The following RALYL variants were observed in gnomAD, a reference collection of about 807,000 sequenced individuals.
RALYL encodes the protein RNA-binding Raly-like protein.
Under a neutral mutation model 35.1 loss-of-function variants are expected in RALYL, and 29 were observed. The ratio of observed to expected loss-of-function variants is 0.83; its 90% CI spans 0.61 to 1.13. RALYL has a LOEUF of 1.13. Among genes scored for constraint, RALYL ranks in the 50% most tolerant of loss-of-function variants. The pLI is 0.00. For missense variants in RALYL, 359 were observed against 360.4 expected, an observed-to-expected ratio of 1.00 and a Z score of 0.03; for synonymous variants, 120 against 127.6, an observed-to-expected ratio of 0.94 and a Z score of 0.40.
intron 1 of RALYL, among the ~76,000 whole-genome samples, chr8:84,238,041 A>G (rs928798636): frequency 1.3e-5 from 2 of 152,122 alleles, no homozygotes; most frequent in Non-Finnish European, 2.9e-5. Flanking sequence ...ATTTAAAAAC[A>G]TAAAATGTGA....
chr8:84,231,826 G>A (rs957895885), intron 1 of RALYL, among the ~76,000 whole-genome samples: 1 of 152,124 alleles, frequency 6.6e-6, no homozygotes, highest in African/African-American at 2.4e-5. Flanking sequence ...CTGTCCATGA[G>A]AAGATAGTTA....
intron 5 of RALYL, among the ~76,000 whole-genome samples, chr8:84,856,895 G>T (rs1837118724): frequency 6.6e-6 from 1 of 151,318 alleles, no homozygotes; most frequent in South Asian, 2.1e-4. Flanking sequence ...GGGCGCGGTG[G>T]CAGGCGCCTG....
rs982676328 is a variant in RALYL at position 84,717,118 on chromosome 8, C to T, written c.257-57461C>T. Among the ~76,000 whole-genome samples, 26 of 152,150 alleles carry T rather than the reference C, an allele frequency of 1.7e-4. No individual in the cohort carries two copies. In the East Asian group the frequency reaches 3.5e-3, roughly 20 times the overall value. On this transcript the variant is annotated intron_variant, in intron 2 of 8. Transcript: ENST00000521268. The stretch of plus-strand genomic sequence containing the variant: ...AGGAGAATTGCTTGAACCCAGGAGG[C>T]GGAGGTTGCAGTGAGCCGAGATCAC...
At chr8:84,363,434 G>A (rs1158327967) in intron 1 of RALYL, among the ~76,000 whole-genome samples, 1 of 152,160 alleles carries the variant, frequency 6.6e-6, no homozygotes, top group Non-Finnish European at 1.5e-5. Context: ...TGTGAGTGAT[G>A]TGCGATGGGT....
intron 1 of RALYL, among the ~76,000 whole-genome samples, chr8:84,409,144 G>A (rs1021066410): frequency 1.3e-5 from 2 of 151,854 alleles, no homozygotes; most frequent in Non-Finnish European, 2.9e-5. Flanking sequence ...GCATAATCTT[G>A]CATAAACTAA....
intron 2 of RALYL, among the ~76,000 whole-genome samples, chr8:84,615,955 A>C (rs1819502424): frequency 3.6e-5 from 1 of 27,574 alleles, no homozygotes; most frequent in Admixed American, 4.8e-4. Context: ...ATAGTATTCC[A>C]TGGTGTATAT....
intron 2 of RALYL, among the ~76,000 whole-genome samples, chr8:84,549,410 TC>T (rs893825450): frequency 1.3e-5 from 2 of 152,194 alleles, no homozygotes; most frequent in Non-Finnish European, 2.9e-5. Context: ...TTGAGGGTCA[TC>T]TTTTTGATGA....
chr8:84,334,809 A>C (rs1847464112), intron 1 of RALYL, among the ~76,000 whole-genome samples: 1 of 152,096 alleles, frequency 6.6e-6, no homozygotes, highest in Non-Finnish European at 1.5e-5. Flanking sequence ...AAGAATTATA[A>C]AATATTTGAT....
At chr8:84,439,290 A>T (rs1470913573) in intron 1 of RALYL, among the ~76,000 whole-genome samples, 12 of 151,972 alleles carry the variant, frequency 7.9e-5, no homozygotes, top group Non-Finnish European at 1.6e-4. Context: ...CTCCTTATAG[A>T]GATCTTTCAA....
chr8:84,786,281 A>G (rs1819431316), intron 3 of RALYL, among the ~76,000 whole-genome samples: 2 of 152,190 alleles, frequency 1.3e-5, no homozygotes, highest in South Asian at 2.1e-4. Context: ...TGGTGCTGCA[A>G]TGAACATATG....
chr8:84,412,177 C>T (rs1264050320), intron 1 of RALYL, among the ~76,000 whole-genome samples: 1 of 150,564 alleles, frequency 6.6e-6, no homozygotes, highest in Non-Finnish European at 1.5e-5. Context: ...ATTGTCTAGA[C>T]AGCAAAAAAA....
chr8:84,811,599 C>G (rs1309433778), intron 4 of RALYL, among the ~76,000 whole-genome samples: 2 of 152,088 alleles, frequency 1.3e-5, no homozygotes, highest in Non-Finnish European at 2.9e-5. Context: ...GATTTTTCCC[C>G]CAAATATGTT....
At chr8:84,447,938 G>C (rs1388266866) in intron 1 of RALYL, among the ~76,000 whole-genome samples, 1 of 151,980 alleles carries the variant, frequency 6.6e-6, no homozygotes, top group Non-Finnish European at 1.5e-5. Context: ...TATTACAGGG[G>C]CTAGGGGAAG....
At chr8:84,451,782 A>G (rs1433833849) in intron 1 of RALYL, among the ~76,000 whole-genome samples, 1 of 152,052 alleles carries the variant, frequency 6.6e-6, no homozygotes, top group African/African-American at 2.4e-5. Flanking sequence ...ACATTGCCTT[A>G]TGGCTAAGAG....
chr8:84,709,131 A>G (rs988214273), intron 2 of RALYL, among the ~76,000 whole-genome samples: 1 of 152,086 alleles, frequency 6.6e-6, no homozygotes, highest in Admixed American at 6.6e-5. Context: ...CCAATTATCT[A>G]TTATTTCTGT....
intron 2 of RALYL, among the ~76,000 whole-genome samples, chr8:84,690,826 A>G (rs191819867): frequency 6.6e-6 from 1 of 152,172 alleles, no homozygotes; most frequent in East Asian, 1.9e-4. Flanking sequence ...GTGGATGATA[A>G]ATTCTAAAGC....
intron 2 of RALYL, among the ~76,000 whole-genome samples, chr8:84,534,741 T>C (rs950761286): frequency 7.9e-5 from 12 of 152,188 alleles, no homozygotes; most frequent in Non-Finnish European, 1.5e-4. Flanking sequence ...AAGTGGCAAT[T>C]ACAAGTTCCC....
At chr8:84,705,217 G>A (rs1343999188) in intron 2 of RALYL, among the ~76,000 whole-genome samples, 5 of 152,172 alleles carry the variant, frequency 3.3e-5, no homozygotes, top group Non-Finnish European at 7.3e-5. Flanking sequence ...TTGTCCACTT[G>A]AGTGACAGTG....
chr8:84,787,280 TTA>T (rs1819751132), intron 3 of RALYL, among the ~76,000 whole-genome samples: 1 of 152,016 alleles, frequency 6.6e-6, no homozygotes, highest in Admixed American at 6.6e-5. Flanking sequence ...TGTTCCTGTG[TTA>T]GTTTGATGAG....
Sources: gnomAD v4.1 joint callset for allele counts (sites outside exome capture counted in the v4.1 genomes callset) on GRCh38, gnomAD v4.1.1 for gene constraint, MANE v1.5 for transcripts, NCBI Gene and HGNC (gene_info 2026-07-23, HGNC 2026-07-21) for gene names.